The following SLC4A9 variants were observed in gnomAD, a reference collection of about 807,000 sequenced individuals.
The protein encoded by SLC4A9 is solute carrier family 4 member 9, also known as anion exchange protein 4.
A neutral mutation model predicts 103.2 loss-of-function variants in SLC4A9; 102 were observed. The ratio of observed to expected loss-of-function variants is 0.99; its 90% CI spans 0.84 to 1.17. The LOEUF (loss-of-function observed/expected upper bound fraction) is 1.17. Among genes scored for constraint, SLC4A9 ranks in the 50% most tolerant of loss-of-function variants. SLC4A9 has a pLI of 0.00. For synonymous variants in SLC4A9, 453 were observed against 483.6 expected (o/e 0.94, Z 0.83); for missense variants, 1,091 against 1,193.7 (o/e 0.91, Z 1.27).
In SLC4A9 at chr5:140,363,594, G is replaced by A; in HGVS notation, c.1079+39G>A. The stretch of plus-strand genomic sequence containing the variant: ...GGAGGAAACAAGGGTAGGTGACCTG[G>A]GGGAGGGGAGGAGTCACAGGGAAAC... On this transcript the variant is annotated intron_variant, in intron 8 of 21. Coordinates refer to ENST00000506757, the MANE Select transcript of SLC4A9 (RefSeq NM_031467.3). This position sits in a 1 kb window ranked among gnomAD's most constrained non-coding sequence, Gnocchi z 4.5. The A allele has an allele frequency of 2.6e-6, 4 of 1,553,646 alleles. No individual in the cohort carries two copies. The highest frequency in any genetic ancestry group is 3.5e-6 in the Non-Finnish European group (4 of 1,147,800).
At chr5:140,369,380 T>C (rs1477879178) in intron 17 of SLC4A9, among the ~76,000 whole-genome samples, 1 of 152,022 alleles carries the variant, frequency 6.6e-6, no homozygotes, top group East Asian at 1.9e-4. Context: ...GAATATTTGC[T>C]ATATGCAAGA....
Position 140,360,839 on chromosome 5 carries a change from G to A in SLC4A9, c.258G>A (p.Glu86=). 6.2e-7 allele frequency: 1 copy of A among 1,613,432 alleles called. No homozygotes were observed. Among genetic ancestry groups the A allele is most frequent in the Non-Finnish European group, 8.5e-7 (1 of 1,179,860 alleles). ...GGGTACTGTTTGAGGAGAAGTTGGAGGTGGCTGCAGGCCGGTGGAGTGCCC... is the reference window on the plus strand; with the variant it reads ...GGGTACTGTTTGAGGAGAAGTTGGAAGTGGCTGCAGGCCGGTGGAGTGCCC... ...GRWVLFEEKL[E]VAAGRWSAPH... Residue 86 remains glutamate, a synonymous_variant, in exon 2 of 22, where the codon GAG becomes GAA. Transcript: ENST00000506757.
At position 140,364,587 on chromosome 5, in the gene SLC4A9, C is replaced by T; in HGVS notation, c.1613C>T (p.Ser538Phe). ...HTYPIQKPGS[S>F]AYGCLCQYPG... The stretch of plus-strand genomic sequence containing the variant: ...TATCCTATCCAGAAGCCTGGGTCCT[C>T]TGCCTACGGGTGCCTCTGCCAATAC... Residue 538 changes from serine to phenylalanine, a missense_variant, in exon 11 of 22, where the codon TCT becomes TTT. Coordinates refer to ENST00000506757, the MANE Select transcript of SLC4A9 (RefSeq NM_031467.3). 1.9e-6 allele frequency: 3 copies of T among 1,602,166 alleles called. No homozygotes were observed. The South Asian group carries it at 3.4e-5, about 18-fold the overall frequency.
rs1306463874 is a variant in SLC4A9 at position 140,360,456 on chromosome 5, G to A, written c.220G>A (p.Glu74Lys). Residue 74 changes from glutamate (E) to lysine (K), a missense_variant, in exon 1 of 22, where the codon GAG (glutamate) becomes AAG (lysine). Transcript: ENST00000506757. ...LGWPQALEWR[E>K]TGRWVLFEEK... ...CTGGCCCCAGGCGCTGGAGTGGAGA[G>A]AGACAGGCAGGTAAGTTGGATGCAG... 7.0e-6 allele frequency: 11 copies of A among 1,576,012 alleles called. No homozygotes were observed. The highest frequency in any genetic ancestry group is 9.5e-6 in the Non-Finnish European group (11 of 1,160,530).
Position 140,360,483 on chromosome 5 carries a change from C to T in SLC4A9, c.230+17C>T. On this transcript the variant is annotated intron_variant, in intron 1 of 21. Coordinates refer to ENST00000506757, the MANE Select transcript of SLC4A9 (RefSeq NM_031467.3). ...GACAGGCAGGTAAGTTGGATGCAGG[C>T]CAGTTCTGTGGGATCCTTCCCCTTC... 1 of 1,553,522 alleles carries T rather than the reference C, an allele frequency of 6.4e-7. No homozygotes were observed.
At chr5:140,373,060 C>T (rs1326668485) in intron 21 of SLC4A9, among the ~76,000 whole-genome samples, 1 of 152,124 alleles carries the variant, frequency 6.6e-6, no homozygotes, top group Non-Finnish European at 1.5e-5. Context: ...GAAGTTTGGT[C>T]AGTAGAGGGA....
chr5:140,362,038 A>G lies in SLC4A9; in HGVS notation c.583A>G (p.Lys195Glu), dbSNP rs548994611. The change falls in exon 5 of 22, where the codon AAG becomes GAG. Residue 195 changes from lysine (K) to glutamate (E), a missense_variant. Physicochemically the swap from Lys to Glu is moderately conservative, Grantham distance 56. Coordinates refer to ENST00000506757, the MANE Select transcript of SLC4A9 (RefSeq NM_031467.3). ...CCAGTGTCAGAACCCCCTGAGACAG[A>G]AGCTACCTCCAGGAGCTGAGGCAGG... Reference protein sequence around the residue: ...REQCQNPLRQKLPPGAEAGTV... With the variant: ...REQCQNPLRQELPPGAEAGTV... The G allele has an allele frequency of 6.8e-6, 11 of 1,609,244 alleles. No individual in the cohort carries two copies. The African/African-American group carries it at 1.5e-4, about 22-fold the overall frequency.
Position 140,361,367 on chromosome 5 carries a change from G to A in SLC4A9, c.505G>A (p.Gly169Ser). 1 of 1,552,922 alleles carries A rather than the reference G, an allele frequency of 6.4e-7. No individual in the cohort carries two copies. The highest frequency in any genetic ancestry group is 1.2e-5 in the South Asian group (1 of 84,110). The change falls in exon 3 of 22, where the codon GGC (glycine) becomes AGC (serine). Residue 169 changes from glycine to serine, a missense_variant and splice_region_variant. Transcript: ENST00000506757. ...NQTTGTRPCW[G>S]STHPRKASDN... ...GACCACAGGCACCAGGCCCTGCTGG[G>A]GTGAGAGCCCCTCCCTGGGCCCAGG...
intron 17 of SLC4A9, among the ~76,000 whole-genome samples, chr5:140,370,622 C>T (rs1179415709): frequency 6.6e-6 from 1 of 152,084 alleles, no homozygotes; most frequent in Non-Finnish European, 1.5e-5. Context: ...CAATGAAGAC[C>T]TTTCAGGGTG....
Position 140,363,157 on chromosome 5 carries a change from G to A in SLC4A9, c.962+91G>A, listed in dbSNP as rs1242514463. On this transcript the variant is annotated intron_variant, in intron 7 of 21. Coordinates refer to ENST00000506757, the MANE Select transcript of SLC4A9 (RefSeq NM_031467.3). This position sits in a 1 kb window ranked among gnomAD's most constrained non-coding sequence, Gnocchi z 4.5. ...TGAGGAGGGGTGGTGTCCCAGGAAA[G>A]AGATAGGGACCTATCTTTGGATTTG... 4.3e-5 allele frequency: 64 copies of A among 1,491,186 alleles called. 1 individual carries two copies. The East Asian group carries it at 1.4e-3, about 34-fold the overall frequency. 92.4% of individuals were successfully genotyped at this position (1,491,186 alleles called of 1,614,324 possible). A position where few individuals can be genotyped will look rare whatever the true frequency, so the allele number is the denominator to read the frequency against.
chr5:140,361,232 T>A, intron 2 of SLC4A9, 22 bp from the exon 3 acceptor site: 1 of 1,540,366 alleles, frequency 6.5e-7, no homozygotes, highest in Non-Finnish European at 8.8e-7. Context: ...AGGAAGGAGA[T>A]GACCCCCAAT....
chr5:140,364,299 A>T (rs1767567490), intron 10 of SLC4A9, 64 bp from the exon 11 acceptor site: 6 of 1,603,212 alleles, frequency 3.7e-6, no homozygotes, highest in Non-Finnish European at 5.1e-6. Context: ...GGGACACCTG[A>T]CCTGGGTTTA....
Position 140,363,944 on chromosome 5 carries a change from C to T in SLC4A9, c.1254+42C>T. 2 of 1,598,522 alleles carry T rather than the reference C, an allele frequency of 1.3e-6. No individual in the cohort carries two copies. Among genetic ancestry groups the T allele is most frequent in the Non-Finnish European group, 1.7e-6 (2 of 1,171,188 alleles). ...GGGCAGGCACAAGCGTTGGTGTCCCCTAGTCCATCCCTTCCCCTGGGACTA... is the reference window on the plus strand; with the variant it reads ...GGGCAGGCACAAGCGTTGGTGTCCCTTAGTCCATCCCTTCCCCTGGGACTA... On this transcript the variant is annotated intron_variant, in intron 9 of 21. Coordinates refer to ENST00000506757, the MANE Select transcript of SLC4A9 (RefSeq NM_031467.3). This position sits in a 1 kb window ranked among gnomAD's most constrained non-coding sequence, Gnocchi z 4.5.
chr5:140,370,856 T>A (rs1768607222), intron 17 of SLC4A9: 1 of 526,260 alleles, frequency 1.9e-6, no homozygotes. Flanking sequence ...TGGACAAAGT[T>A]ACTTAGTCCC....
At position 140,360,516 on chromosome 5, in the gene SLC4A9, G is replaced by A. The variant is rs760495474; in HGVS notation, c.230+50G>A. 4 of 1,494,250 alleles carry A rather than the reference G, an allele frequency of 2.7e-6. No homozygotes were observed. The South Asian group carries it at 3.6e-5, about 14-fold the overall frequency. The allele number at this position is 1,494,250 out of a possible 1,614,324, so 92.6% of individuals were successfully genotyped here. On this transcript the variant is annotated intron_variant, in intron 1 of 21. Transcript: ENST00000506757. ...GTGGGATCCTTCCCCTTCCCCAGCT[G>A]GAGCCTCCTATATGTCCCCCAGCGC...
intron 21 of SLC4A9, 80 bp downstream of exon 21, chr5:140,372,923 C>A: frequency 2.4e-6 from 2 of 825,738 alleles, no homozygotes; most frequent in Non-Finnish European, 3.7e-6. Flanking sequence ...AGTGTGTTGG[C>A]CAGCCCTGTT....
rs1554076402 is a variant in SLC4A9 at position 140,360,813 on chromosome 5, T to C, written c.232T>C (p.Trp78Arg). The C allele has an allele frequency of 6.2e-7, 1 of 1,613,268 alleles. No homozygotes were observed. The highest frequency in any genetic ancestry group is 1.1e-5 in the South Asian group (1 of 91,020). Reference protein sequence around the residue: ...QALEWRETGRWVLFEEKLEVA... With the variant: ...QALEWRETGRRVLFEEKLEVA... ...ACTGTCTACCCACCTTCATCACAGG[T>C]GGGTACTGTTTGAGGAGAAGTTGGA... The change falls in exon 2 of 22, where the codon TGG becomes CGG. Residue 78 changes from tryptophan (W) to arginine (R), a missense_variant and splice_region_variant. Physicochemically the swap from Trp to Arg is moderately radical, Grantham distance 101 (BLOSUM62 -3). Coordinates refer to ENST00000506757, the MANE Select transcript of SLC4A9 (RefSeq NM_031467.3).
chr5:140,364,231 G>T lies in SLC4A9; in HGVS notation c.1388+44G>T, dbSNP rs1327341046. Reference sequence around the variant, plus strand: ...TCACCGGACCCTCACTAGTGCCATGGTCAGCCTGCTCCTGGCTGGGTGAAT... The same window carrying T: ...TCACCGGACCCTCACTAGTGCCATGTTCAGCCTGCTCCTGGCTGGGTGAAT... On this transcript the variant is annotated intron_variant, in intron 10 of 21. Coordinates refer to ENST00000506757, the MANE Select transcript of SLC4A9 (RefSeq NM_031467.3). 11 of 1,570,530 alleles carry T rather than the reference G, an allele frequency of 7.0e-6. No individual in the cohort carries two copies. In the East Asian group the frequency reaches 2.2e-4, roughly 32 times the overall value.
chr5:140,371,187 CA>C, intron 18 of SLC4A9, 24 bp downstream of exon 18: 1 of 1,591,748 alleles, frequency 6.3e-7, no homozygotes, highest in Non-Finnish European at 8.6e-7. Context: ...AATCACCTAA[CA>C]AAAGAAAAAA....
Sources: allele counts gnomAD v4.1 joint callset (sites outside exome capture counted in the v4.1 genomes callset), GRCh38; gene constraint gnomAD v4.1.1; non-coding constraint Gnocchi (gnomAD v3.1); transcripts MANE v1.5; gene names NCBI Gene and HGNC (gene_info 2026-07-23, HGNC 2026-07-21).